The following MXD4 variants were observed in gnomAD, a reference collection of about 807,000 sequenced individuals.
The protein encoded by MXD4 is MAX dimerization protein 4, also known as Mad4 homolog.
Under a neutral mutation model 24.5 loss-of-function variants are expected in MXD4, and 16 were observed. The ratio of observed to expected loss-of-function variants is 0.65; its 90% CI spans 0.44 to 0.99. MXD4 has a LOEUF of 0.99. MXD4 is among the 50% of genes least tolerant of loss of function. The pLI is 0.00. For synonymous variants in MXD4, 164 were observed against 134.2 expected (o/e 1.22, Z -1.54); for missense variants, 301 against 301.5 (o/e 1.00, Z 0.01).
intron 2 of MXD4, 55 bp from the exon 3 acceptor site, chr4:2,258,066 C>A: frequency 6.2e-7 from 1 of 1,605,540 alleles, no homozygotes; most frequent in East Asian, 2.2e-5. Context: ...CACCAGGGCA[C>A]AGAGAGCAGT....
chr4:2,261,611 G>C (rs1456708061), intron 2 of MXD4, 114 bp downstream of exon 2: 2 of 445,436 alleles, frequency 4.5e-6, no homozygotes, highest in Non-Finnish European at 6.1e-6. Flanking sequence ...CCGCCGGGGC[G>C]CGCGGCGGCG....
At position 2,249,463 on chromosome 4, in the gene MXD4, T is replaced by C. The variant is rs1420638557; in HGVS notation, c.*1081A>G. ...TTTTAAAAATGGTTTTTTTTTTTTT[T>C]CTGGGAAAGCCTCTCTGCCAGCTGA... On this transcript the variant is annotated 3_prime_UTR_variant, in exon 6 of 6. Coordinates refer to ENST00000337190, the MANE Select transcript of MXD4 (RefSeq NM_006454.3). 6.7e-6 allele frequency: 1 copy of C among 149,544 alleles called. No individual in the cohort carries two copies. Among genetic ancestry groups the C allele is most frequent in the Admixed American group, 6.7e-5 (1 of 15,014 alleles). 9.3% of individuals were successfully genotyped at this position (149,544 alleles called of 1,614,324 possible). A position where few individuals can be genotyped will look rare whatever the true frequency, so the allele number is the denominator to read the frequency against.
intron 3 of MXD4, chr4:2,254,109 C>CT (rs1395787250): frequency 3.9e-5 from 6 of 152,236 alleles, no homozygotes; most frequent in African/African-American, 1.4e-4. Flanking sequence ...CTGGTCCACT[C>CT]TAGCAAATGG....
At chr4:2,258,394 C>T (rs930435523) in intron 2 of MXD4, among the ~76,000 whole-genome samples, 9 of 152,102 alleles carry the variant, frequency 5.9e-5, no homozygotes, top group African/African-American at 1.9e-4. Context: ...TAGCAAGGCC[C>T]GTGGTGAATC....
At chr4:2,257,812 A>G (rs1467140995) in intron 3 of MXD4, among the ~76,000 whole-genome samples, 170 bp downstream of exon 3, 1 of 152,226 alleles carries the variant, frequency 6.6e-6, no homozygotes, top group African/African-American at 2.4e-5. Context: ...AGAGTGCCTG[A>G]AACAGACCTC....
At chr4:2,259,881 GC>G (rs1377785820) in intron 2 of MXD4, among the ~76,000 whole-genome samples, 1 of 152,132 alleles carries the variant, frequency 6.6e-6, no homozygotes, top group East Asian at 1.9e-4. Flanking sequence ...CCAGTGCTCT[GC>G]CGCCTCCCTC....
rs1001453343 is a variant in MXD4, at chr4:2,248,029, C to T, written c.*2515G>A. The T allele has an allele frequency of 6.6e-5, 10 of 152,332 alleles. No homozygotes were observed. Among genetic ancestry groups the T allele is most frequent in the African/African-American group, 1.9e-4 (8 of 41,452 alleles). The allele number at this position is 152,332 out of a possible 1,614,324, so 9.4% of individuals were successfully genotyped here. A position where few individuals can be genotyped will look rare whatever the true frequency, so the allele number is the denominator to read the frequency against. Reference sequence around the variant, plus strand: ...GGCACACGCAGAGGCTCAGGAGCCCCGGGCTCTGTTCTGCTTCTGTCTGCT... The same window carrying T: ...GGCACACGCAGAGGCTCAGGAGCCCTGGGCTCTGTTCTGCTTCTGTCTGCT... On this transcript the variant is annotated 3_prime_UTR_variant, in exon 6 of 6. Coordinates refer to ENST00000337190, the MANE Select transcript of MXD4 (RefSeq NM_006454.3).
chr4:2,259,588 C>T (rs1560115296), intron 2 of MXD4, among the ~76,000 whole-genome samples: 1 of 152,154 alleles, frequency 6.6e-6, no homozygotes, highest in Admixed American at 6.5e-5. Flanking sequence ...ACATAAAAGC[C>T]TACCTGCCTA....
chr4:2,261,872 C>T (rs1577826539), intron 1 of MXD4, 45 bp downstream of exon 1: 6 of 1,392,120 alleles, frequency 4.3e-6, no homozygotes, highest in African/African-American at 1.5e-5. Flanking sequence ...CACGGCCCCG[C>T]CGCCCGCCCA....
intron 5 of MXD4, 122 bp downstream of exon 5, chr4:2,250,962 G>A: frequency 1.6e-6 from 2 of 1,283,228 alleles, no homozygotes; most frequent in Non-Finnish European, 2.1e-6. Flanking sequence ...ACACCCCAGT[G>A]CAGCAGGGAG....
chr4:2,261,141 G>C (rs543940944), intron 2 of MXD4, among the ~76,000 whole-genome samples: 2 of 152,374 alleles, frequency 1.3e-5, no homozygotes, highest in Non-Finnish European at 2.9e-5. Flanking sequence ...GTTTCGCTGT[G>C]TCAGGAGGCT....
chr4:2,261,195 C>A (rs1444483275), intron 2 of MXD4, among the ~76,000 whole-genome samples: 1 of 152,222 alleles, frequency 6.6e-6, no homozygotes, highest in Non-Finnish European at 1.5e-5. Context: ...GGGCCCAGGA[C>A]AGCGCCTCCA....
intron 3 of MXD4, among the ~76,000 whole-genome samples, chr4:2,256,680 G>A (rs371890591): frequency 2.0e-5 from 3 of 152,088 alleles, no homozygotes; most frequent in Non-Finnish European, 4.4e-5. Context: ...TCTCAAGAAG[G>A]CCCCATGAGG....
intron 2 of MXD4, 57 bp from the exon 3 acceptor site, chr4:2,258,068 G>A (rs2108791004): frequency 6.2e-7 from 1 of 1,604,026 alleles, no homozygotes. Flanking sequence ...CCAGGGCACA[G>A]AGAGCAGTGC....
At chr4:2,250,837 G>T in intron 5 of MXD4, 136 bp from the exon 6 acceptor site, 1 of 1,248,770 alleles carries the variant, frequency 8.0e-7, no homozygotes, top group Non-Finnish European at 1.1e-6. Context: ...GGCAGCAGAC[G>T]CCAGGAGGGC....
Position 2,247,967 on chromosome 4 carries a change from G to T in MXD4, c.*2577C>A, listed in dbSNP as rs1218157281. On this transcript the variant is annotated 3_prime_UTR_variant, in exon 6 of 6. Transcript: ENST00000337190. Reference sequence around the variant, plus strand: ...CTGGGGAACCCAAGCCTGAGTCTGGGTGCTCAGTGGCCGAGAGCACTGGTG... The same window carrying T: ...CTGGGGAACCCAAGCCTGAGTCTGGTTGCTCAGTGGCCGAGAGCACTGGTG... The T allele has an allele frequency of 6.6e-6, 1 of 152,446 alleles. No homozygotes were observed. The highest frequency in any genetic ancestry group is 1.5e-5 in the Non-Finnish European group (1 of 68,220). 9.4% of individuals were successfully genotyped at this position (152,446 alleles called of 1,614,324 possible).
chr4:2,255,142 G>A (rs1011947538), intron 3 of MXD4: 12 of 378,796 alleles, frequency 3.2e-5, no homozygotes, highest in African/African-American at 1.5e-4. Context: ...TGACGCAGGC[G>A]GACAGGACTT....
intron 5 of MXD4, 90 bp from the exon 6 acceptor site, chr4:2,250,791 G>T (rs1039547510): frequency 6.7e-6 from 10 of 1,486,618 alleles, no homozygotes; most frequent in Non-Finnish European, 9.1e-6. Context: ...TCTAGGCAGA[G>T]GGGCAGAAGT....
intron 3 of MXD4, chr4:2,253,957 C>G (rs554221404): frequency 6.6e-6 from 1 of 152,290 alleles, no homozygotes; most frequent in Middle Eastern, 3.1e-3. Context: ...CCGCCCCCCA[C>G]CCCAGGAACT....
Sources: gnomAD v4.1 joint callset for allele counts (sites outside exome capture counted in the v4.1 genomes callset) on GRCh38, gnomAD v4.1.1 for gene constraint, MANE v1.5 for transcripts, NCBI Gene and HGNC (gene_info 2026-07-23, HGNC 2026-07-21) for gene names.